The following SEMA5A variants were observed in gnomAD, a reference collection of about 807,000 sequenced individuals.
SEMA5A encodes the protein semaphorin 5A.
A neutral mutation model predicts 135.5 loss-of-function variants in SEMA5A; 55 were observed. The ratio of observed to expected loss-of-function variants is 0.41; its 90% confidence interval spans 0.33 to 0.51. SEMA5A has a LOEUF of 0.51. Among genes scored for constraint, SEMA5A ranks in the 20% least tolerant of loss-of-function variants. The pLI, the probability that SEMA5A is intolerant of heterozygous loss-of-function variation, is 0.37. For synonymous variants in SEMA5A, 580 were observed against 546.5 expected, an observed-to-expected ratio of 1.06 and a Z score of -0.85; for missense variants, 1,290 against 1,419.9, an observed-to-expected ratio of 0.91 and a Z score of 1.47.
intron 12 of SEMA5A, among the ~76,000 whole-genome samples, chr5:9,140,299 A>G (rs1406896416): frequency 6.6e-6 from 1 of 152,226 alleles, no homozygotes; most frequent in African/African-American, 2.4e-5. Context: ...AAGACACGCA[A>G]TTGATTTAAT....
intron 1 of SEMA5A, among the ~76,000 whole-genome samples, chr5:9,473,954 G>A (rs192728039): frequency 1.3e-5 from 2 of 152,240 alleles, no homozygotes; most frequent in Admixed American, 1.3e-4. Context: ...CAAAGATGCT[G>A]GTGAGAAGCA....
chr5:9,470,627 G>A (rs1759440802), intron 1 of SEMA5A, among the ~76,000 whole-genome samples: 1 of 152,194 alleles, frequency 6.6e-6, no homozygotes, highest in Admixed American at 6.5e-5. Flanking sequence ...CCAATGAGAT[G>A]TAAATAGAAG....
chr5:9,300,068 T>C (rs1326898890), intron 5 of SEMA5A, among the ~76,000 whole-genome samples: 1 of 152,158 alleles, frequency 6.6e-6, no homozygotes, highest in African/African-American at 2.4e-5. Context: ...TCTTGCTCTG[T>C]TAGACTGGGG....
intron 5 of SEMA5A, among the ~76,000 whole-genome samples, chr5:9,264,712 T>A (rs188109238): frequency 1.0e-3 from 157 of 152,292 alleles, no homozygotes; most frequent in Middle Eastern, 6.8e-3. Context: ...TGGTAGATCC[T>A]GGCAACCAGG....
At chr5:9,506,489 GATCC>G (rs1165564146) in intron 1 of SEMA5A, among the ~76,000 whole-genome samples, 1 of 152,172 alleles carries the variant, frequency 6.6e-6, no homozygotes, top group African/African-American at 2.4e-5. Context: ...GCCGACAAGA[GATCC>G]CATTTAAAGC....
intron 3 of SEMA5A, among the ~76,000 whole-genome samples, chr5:9,357,344 A>G (rs919403267): frequency 3.3e-5 from 5 of 152,194 alleles, no homozygotes; most frequent in African/African-American, 9.6e-5. Context: ...AGTGCATTCT[A>G]TTTTCATCCA....
At chr5:9,184,695 A>T (rs904960947) in intron 11 of SEMA5A, among the ~76,000 whole-genome samples, 1 of 152,056 alleles carries the variant, frequency 6.6e-6, no homozygotes, top group Non-Finnish European at 1.5e-5. Context: ...TATCTCTGTG[A>T]ACTTCCTTTT....
chr5:9,081,648 A>T (rs565111306), intron 16 of SEMA5A, among the ~76,000 whole-genome samples: 2 of 152,212 alleles, frequency 1.3e-5, no homozygotes, highest in African/African-American at 4.8e-5. Flanking sequence ...CCTGCAAGTT[A>T]TCTAGGAAGG....
At chr5:9,522,631 C>A (rs456837) in intron 1 of SEMA5A, 51,533 of 151,992 alleles carry the variant, frequency 0.34, 8,921 homozygotes, top group East Asian at 0.41. Context: ...CTTTACTCTC[C>A]TGTATGTGTT....
chr5:9,447,958 ACT>A (rs1024982828), intron 1 of SEMA5A, among the ~76,000 whole-genome samples: 1 of 152,094 alleles, frequency 6.6e-6, no homozygotes, highest in African/African-American at 2.4e-5. Context: ...CTCTCTGCCC[ACT>A]CTACAGCCCT....
At chr5:9,191,311 G>A (rs1579576791) in intron 10 of SEMA5A, among the ~76,000 whole-genome samples, 1 of 152,328 alleles carries the variant, frequency 6.6e-6, no homozygotes, top group Middle Eastern at 3.4e-3. Context: ...GTTGTGGGGA[G>A]GCTGGCAGAT....
intron 2 of SEMA5A, among the ~76,000 whole-genome samples, chr5:9,415,391 T>C (rs1757248366): frequency 6.6e-6 from 1 of 152,274 alleles, no homozygotes; most frequent in Admixed American, 6.5e-5. Context: ...GTTGGGGCCT[T>C]GGGGACGTAA....
chr5:9,442,998 T>C (rs1028883231), intron 1 of SEMA5A, among the ~76,000 whole-genome samples: 15 of 152,306 alleles, frequency 9.8e-5, no homozygotes, highest in Admixed American at 9.8e-4. Flanking sequence ...ACAGGAACTA[T>C]GTGGAGGACC....
intron 3 of SEMA5A, among the ~76,000 whole-genome samples, chr5:9,375,171 C>T (rs778784525): frequency 2.6e-5 from 4 of 152,166 alleles, no homozygotes; most frequent in Non-Finnish European, 4.4e-5. Context: ...CAACCCTGCA[C>T]TGAAACTGCT....
intron 13 of SEMA5A, among the ~76,000 whole-genome samples, chr5:9,135,703 C>A (rs1478002061): frequency 6.6e-6 from 1 of 152,048 alleles, no homozygotes; most frequent in African/African-American, 2.4e-5. Flanking sequence ...TTTGTAAAGG[C>A]AACATGACTT....
At chr5:9,462,438 A>G (rs1759092114) in intron 1 of SEMA5A, among the ~76,000 whole-genome samples, 1 of 152,336 alleles carries the variant, frequency 6.6e-6, no homozygotes, top group Non-Finnish European at 1.5e-5. Context: ...AGCTAAAAAC[A>G]GAATTACCAT....
chr5:9,212,945 T>C (rs1236277089), intron 8 of SEMA5A, among the ~76,000 whole-genome samples: 1 of 152,330 alleles, frequency 6.6e-6, no homozygotes, highest in East Asian at 1.9e-4. Flanking sequence ...ACAACCAACA[T>C]TTCTTTCTCA....
In SEMA5A at chr5:9,483,461, A is replaced by G. The variant is rs140139149; in HGVS notation, c.-174-45609T>C. Among the ~76,000 whole-genome samples the G allele has an allele frequency of 1.6e-3, 247 of 152,316 alleles. 1 individual carries two copies. Among genetic ancestry groups the G allele is most frequent in the Middle Eastern group, 3.4e-3 (1 of 294 alleles). ...GGTAAACTAAGGGAAGCACTGAAAA[A>G]TACCAGGCATAACAAAAGCCTGAAC... On this transcript the variant is annotated intron_variant, in intron 1 of 22. Coordinates refer to ENST00000382496, the MANE Select transcript of SEMA5A (RefSeq NM_003966.3).
At chr5:9,127,393 G>A (rs1354172382) in intron 13 of SEMA5A, among the ~76,000 whole-genome samples, 3 of 152,142 alleles carry the variant, frequency 2.0e-5, no homozygotes, top group Non-Finnish European at 4.4e-5. Flanking sequence ...TGTACTTAGC[G>A]CAAACAGTGC....
Sources: allele counts gnomAD v4.1 joint callset (sites outside exome capture counted in the v4.1 genomes callset), GRCh38; gene constraint gnomAD v4.1.1; transcripts MANE v1.5; gene names NCBI Gene and HGNC (gene_info 2026-07-23, HGNC 2026-07-21).